Variants in DOK1 observed in about 807,000 individuals in gnomAD.
The protein encoded by DOK1 is Downstream of tyrosine kinase 1.
DOK1 carries 12 observed loss-of-function variants against 24.0 expected under a neutral mutation model. The ratio of observed to expected loss-of-function variants is 0.50; its 90% CI spans 0.32 to 0.81. DOK1 has a LOEUF of 0.81. DOK1 is among the 30% of genes least tolerant of loss of function. The pLI is 0.03. For synonymous variants in DOK1, 250 were observed against 260.9 expected, an observed-to-expected ratio of 0.96 and a Z score of 0.40; for missense variants, 591 against 620.7, an observed-to-expected ratio of 0.95 and a Z score of 0.51.
At chr2:74,554,666 G>A (rs956585972), upstream of DOK1, 5 of 1,375,326 alleles carry the variant, frequency 3.6e-6, no homozygotes, top group Non-Finnish European at 5.0e-6. The surrounding 1 kb of genome is among the most constrained non-coding windows in gnomAD (Gnocchi z 4.9). Flanking sequence ...GCCGGGGAGG[G>A]GCGGAAACTC....
upstream of DOK1, chr2:74,552,261 C>G (rs1293897783): frequency 9.3e-6 from 14 of 1,502,938 alleles, no homozygotes; most frequent in Non-Finnish European, 1.3e-5. Flanking sequence ...CTCGTGTTCC[C>G]TTTCCCTGCA....
chr2:74,555,721 G>A lies in DOK1; in HGVS notation c.454+53G>A. ...ATGGAGTGAAGAGGAGGAGGGCCGA[G>A]GGCCTTTGGGAAGTGGGTGGATACC... On this transcript the variant is annotated intron_variant, in intron 3 of 4. Transcript: ENST00000233668. The surrounding 1 kb of genome is among the most constrained non-coding windows in gnomAD (Gnocchi z 6.1). 6.2e-7 allele frequency: 1 copy of A among 1,610,750 alleles called. No individual in the cohort carries two copies. The highest frequency in any genetic ancestry group is 1.1e-5 in the South Asian group (1 of 90,700).
chr2:74,552,469 C>A, upstream of DOK1: 1 of 1,613,652 alleles, frequency 6.2e-7, no homozygotes, highest in Non-Finnish European at 8.5e-7. Flanking sequence ...TCCACGCGGC[C>A]CTCGTAGGGC....
rs201511679 is a variant in DOK1 at position 74,557,039 on chromosome 2, C to A, written c.1371C>A (p.Ala457=). Residue 457 remains alanine (A), a synonymous_variant, in exon 5 of 5, where the codon GCC becomes GCA. Coordinates refer to ENST00000233668, the MANE Select transcript of DOK1 (RefSeq NM_001381.5). The part of the protein sequence containing the change: ...ALYSQVQKSG[A]SGSWDCGLSR... ...ACAGCCAGGTCCAGAAGAGCGGGGC[C>A]TCAGGGAGCTGGGACTGTGGGCTCT... is the stretch of plus-strand genomic sequence containing the variant. 6.2e-7 allele frequency: 1 copy of A among 1,614,190 alleles called. No individual in the cohort carries two copies. The highest frequency in any genetic ancestry group is 1.3e-5 in the African/African-American group (1 of 75,060).
upstream of DOK1, chr2:74,550,343 T>A: frequency 6.2e-7 from 1 of 1,613,188 alleles, no homozygotes; most frequent in Non-Finnish European, 8.5e-7. Flanking sequence ...TCCAGCCAGA[T>A]GCGGCCTGTG....
At chr2:74,550,219 C>T (rs575389607), upstream of DOK1, 151 of 1,614,028 alleles carry the variant, frequency 9.4e-5, no homozygotes, top group African/African-American at 1.2e-4. Context: ...GCCAGGGAGG[C>T]GCTGGTCTTT....
Position 74,556,049 on chromosome 2 carries a change from A to T in DOK1, c.610A>T (p.Thr204Ser). ...GGAGCCACTCCTGTCCTGGCCCTAC[A>T]CTCTGTTGCGTCGCTATGGCCGGGA... ...ILEPLLSWPY[T>S]LLRRYGRDKV... Residue 204 changes from threonine to serine, a missense_variant, in exon 4 of 5, where the codon ACT (threonine) becomes TCT (serine). Physicochemically the swap from Thr to Ser is moderately conservative, Grantham distance 58. Transcript: ENST00000233668. The surrounding 1 kb of genome is among the most constrained non-coding windows in gnomAD (Gnocchi z 4.1). 1 of 1,604,708 alleles carries T rather than the reference A, an allele frequency of 6.2e-7. No individual in the cohort carries two copies. Among genetic ancestry groups the T allele is most frequent in the South Asian group, 1.1e-5 (1 of 89,888 alleles).
At position 74,554,880 on chromosome 2, in the gene DOK1, G is replaced by C; in HGVS notation, c.60+66G>C. On this transcript the variant is annotated intron_variant, in intron 1 of 4. Transcript: ENST00000233668. The surrounding 1 kb of genome is among the most constrained non-coding windows in gnomAD (Gnocchi z 4.9). ...AGTGGGTGAGAGAGCCCAGAAACAG[G>C]GAGAGGTGGGCAGCGGGCTGGAGAG... 2 of 1,599,610 alleles carry C rather than the reference G, an allele frequency of 1.3e-6. No homozygotes were observed. The highest frequency in any genetic ancestry group is 1.7e-6 in the Non-Finnish European group (2 of 1,172,900).
At chr2:74,550,987 C>A (rs1457985578), upstream of DOK1, among the ~76,000 whole-genome samples, 3 of 150,400 alleles carry the variant, frequency 2.0e-5, no homozygotes, top group South Asian at 2.1e-4. Context: ...GGCTGAAATG[C>A]AGTGGCATGA....
Position 74,556,135 on chromosome 2 carries a change from C to G in DOK1, c.639+57C>G. 5 of 1,537,976 alleles carry G rather than the reference C, an allele frequency of 3.3e-6. No individual in the cohort carries two copies. Among genetic ancestry groups the G allele is most frequent in the Non-Finnish European group, 4.4e-6 (5 of 1,141,914 alleles). ...TTGGGCAGCTGTGGGAGGGGTGGGGCAGGACAGAAAGTGGGAAGCTCTGAC... is the reference window on the plus strand; with the variant it reads ...TTGGGCAGCTGTGGGAGGGGTGGGGGAGGACAGAAAGTGGGAAGCTCTGAC... On this transcript the variant is annotated intron_variant, in intron 4 of 4. Transcript: ENST00000233668. This position sits in a 1 kb window ranked among gnomAD's most constrained non-coding sequence, Gnocchi z 4.1.
chr2:74,555,384 G>T lies in DOK1; in HGVS notation c.291G>T (p.Ser97=). The change falls in exon 2 of 5, where the codon TCG becomes TCT. Residue 97 remains serine, a synonymous_variant. Transcript: ENST00000233668. The surrounding 1 kb of genome is among the most constrained non-coding windows in gnomAD (Gnocchi z 6.1). ...TAFRLDTAQR[S]HLLAADAPSS... ...TCCGCCTGGACACTGCTCAGCGCTCGCACCTGCTGGCGGCCGACGCGCCGT... is the reference window on the plus strand; with the variant it reads ...TCCGCCTGGACACTGCTCAGCGCTCTCACCTGCTGGCGGCCGACGCGCCGT... 1 of 1,612,562 alleles carries T rather than the reference G, an allele frequency of 6.2e-7. No individual in the cohort carries two copies. Among genetic ancestry groups the T allele is most frequent in the Non-Finnish European group, 8.5e-7 (1 of 1,179,632 alleles).
upstream of DOK1, chr2:74,550,379 G>A (rs1676927917): frequency 6.2e-7 from 1 of 1,603,932 alleles, no homozygotes; most frequent in Admixed American, 1.7e-5. Context: ...GGACAGAGAA[G>A]CTTGGGGAGG....
rs1335044870 is a variant in DOK1 at position 74,556,342 on chromosome 2, C to T, written c.674C>T (p.Pro225Leu). The T allele has an allele frequency of 1.9e-6, 3 of 1,613,350 alleles. No individual in the cohort carries two copies. The highest frequency in any genetic ancestry group is 2.7e-5 in the African/African-American group (2 of 74,924). ...TCTTTCGAGGCCGGCCGCCGCTGCC[C>T]CTCAGGCCCTGGAACCTTCACCTTC... ...MFSFEAGRRCPSGPGTFTFQT... is the reference protein window; with the variant it reads ...MFSFEAGRRCLSGPGTFTFQT... Residue 225 changes from proline (P) to leucine (L), a missense_variant, in exon 5 of 5, where the codon CCC (proline) becomes CTC (leucine). By Grantham distance (98) the Pro-to-Leu change is moderately conservative (BLOSUM62 -3). Transcript: ENST00000233668. The surrounding 1 kb of genome is among the most constrained non-coding windows in gnomAD (Gnocchi z 4.1).
At position 74,555,618 on chromosome 2, in the gene DOK1, T is replaced by C; in HGVS notation, c.404T>C (p.Leu135Pro). ...TLAPTDNPPK[L>P]SALEMLENSL... ...GCGCCTACCGATAACCCACCTAAGCTTTCTGCCCTGGAGATGCTGGAGAAC... is the reference window on the plus strand; with the variant it reads ...GCGCCTACCGATAACCCACCTAAGCCTTCTGCCCTGGAGATGCTGGAGAAC... The change falls in exon 3 of 5, where the codon CTT (leucine) becomes CCT (proline). Residue 135 changes from leucine to proline, a missense_variant. Transcript: ENST00000233668. This position sits in a 1 kb window ranked among gnomAD's most constrained non-coding sequence, Gnocchi z 6.1. 6.2e-7 allele frequency: 1 copy of C among 1,614,098 alleles called. No individual in the cohort carries two copies.
upstream of DOK1, chr2:74,550,199 A>G: frequency 6.2e-7 from 1 of 1,613,706 alleles, no homozygotes; most frequent in South Asian, 1.1e-5. Flanking sequence ...ATGACATTGG[A>G]GTCCGAGAAG....
upstream of DOK1, chr2:74,552,273 T>G (rs369374173): frequency 1.3e-6 from 2 of 1,540,368 alleles, no homozygotes. Flanking sequence ...TTCCCTGCAC[T>G]TTGGCCACAC....
chr2:74,556,704 C>T lies in DOK1; in HGVS notation c.1036C>T (p.Gln346Ter). Residue 346 changes from glutamine to a stop codon, truncating the protein, a stop_gained, in exon 5 of 5, where the codon CAG becomes TAG. Coordinates refer to ENST00000233668, the MANE Select transcript of DOK1 (RefSeq NM_001381.5). LOFTEE classifies it high-confidence loss of function. The surrounding 1 kb of genome is among the most constrained non-coding windows in gnomAD (Gnocchi z 4.1). ...TTGGGACTTGTATGAGCATGCGCAG[C>T]AGCAGTTGCTGAAGGCCAAGCTGAC... The part of the protein sequence containing the change: ...LYWDLYEHAQ[Q>*]QLLKAKLTDP... 6.2e-7 allele frequency: 1 copy of T among 1,614,238 alleles called. No homozygotes were observed. Among genetic ancestry groups the T allele is most frequent in the Non-Finnish European group, 8.5e-7 (1 of 1,180,052 alleles).
upstream of DOK1, chr2:74,550,251 A>G (rs776306671): frequency 6.2e-7 from 1 of 1,614,204 alleles, no homozygotes; most frequent in South Asian, 1.1e-5. Flanking sequence ...CAGCATCCTC[A>G]TCGTGCGTAC....
chr2:74,554,389 C>G, upstream of DOK1: 1 of 246,492 alleles, frequency 4.1e-6, no homozygotes, highest in Non-Finnish European at 7.8e-6. The surrounding 1 kb of genome is among the most constrained non-coding windows in gnomAD (Gnocchi z 4.9). Context: ...GTGGGTCTCT[C>G]CGGTGCCCGG....
Sources: gnomAD v4.1 joint callset for allele counts (sites outside exome capture counted in the v4.1 genomes callset) on GRCh38, gnomAD v4.1.1 for gene constraint, Gnocchi (gnomAD v3.1) non-coding constraint, MANE v1.5 for transcripts, NCBI Gene and HGNC (gene_info 2026-07-23, HGNC 2026-07-21) for gene names.